The following CRBN variants were observed in gnomAD, a reference collection of about 807,000 sequenced individuals.
CRBN encodes the protein cereblon.
Under a neutral mutation model 62.2 loss-of-function variants are expected in CRBN, and 53 were observed. The ratio of observed to expected loss-of-function variants is 0.85; its 90% CI spans 0.68 to 1.07. The LOEUF (loss-of-function observed/expected upper bound fraction) is 1.07. Among genes scored for constraint, CRBN ranks in the 50% least tolerant of loss-of-function variants. The probability of loss-of-function intolerance (pLI) is 0.00; values close to 1 mark genes in which losing one functional copy is unlikely to be tolerated. For missense variants in CRBN, 616 were observed against 531.1 expected (o/e 1.16, Z -1.57); for synonymous variants, 208 against 176.1 (o/e 1.18, Z -1.43).
intron 1 of CRBN, among the ~76,000 whole-genome samples, chr3:3,178,519 G>A (rs1475423263): frequency 6.6e-6 from 1 of 152,142 alleles, no homozygotes; most frequent in Non-Finnish European, 1.5e-5. Context: ...TAGGCCTTAT[G>A]TCCCACAACC....
chr3:3,154,910 C>A, intron 6 of CRBN, 79 bp from the exon 7 acceptor site: 1 of 821,102 alleles, frequency 1.2e-6, no homozygotes, highest in Non-Finnish European at 2.1e-6. Flanking sequence ...ACTCTTAAAA[C>A]TAACACTGGT....
At chr3:3,152,976 C>T in intron 9 of CRBN, 1 of 298,248 alleles carries the variant, frequency 3.4e-6, no homozygotes, top group South Asian at 3.8e-5. Context: ...GTTTCCTTAC[C>T]TTCTTGATTT....
chr3:3,177,503 A>T lies in CRBN; in HGVS notation c.67+2118T>A, dbSNP rs543343582. Among the ~76,000 whole-genome samples the T allele has an allele frequency of 5.3e-5, 8 of 152,322 alleles. 1 individual carries two copies. Among genetic ancestry groups the T allele is most frequent in the African/African-American group, 1.9e-4 (8 of 41,562 alleles). ...GGAACATGTAAGTTTCACTGAGATA[A>T]AAAAAGAGCTATCTAAATGGATGAC... On this transcript the variant is annotated intron_variant, in intron 1 of 10. Coordinates refer to ENST00000231948, the MANE Select transcript of CRBN (RefSeq NM_016302.4).
chr3:3,167,690 T>C lies in CRBN; in HGVS notation c.631A>G (p.Lys211Glu). Residue 211 changes from lysine to glutamate, a missense_variant, in exon 5 of 11, where the codon AAA becomes GAA. By Grantham distance (56) the Lys-to-Glu change is moderately conservative. Transcript: ENST00000231948. ...CATTGGTCTTCTCTTGAGACAGGTT[T>C]TGAAGGAAATATCTGGCACTTATTG... The part of the protein sequence containing the change: ...SLNKCQIFPS[K>E]PVSREDQCSY... The C allele has an allele frequency of 6.2e-7, 1 of 1,613,580 alleles. No homozygotes were observed. The highest frequency in any genetic ancestry group is 2.2e-5 in the East Asian group (1 of 44,812).
chr3:3,174,545 G>A (rs1185356026), intron 2 of CRBN, among the ~76,000 whole-genome samples: 6 of 152,098 alleles, frequency 3.9e-5, no homozygotes, highest in African/African-American at 1.4e-4. Context: ...GGAGGCTGAG[G>A]CAGGGGAATC....
Position 3,150,950 on chromosome 3 carries a change from CA to C in CRBN, c.1243del (p.Trp415GlyfsTer3). ...CAACAGAGCAGATCGCGTTAAGCCC[CA>C]AAATTTTTGAGGTGACATGTCTTTT... The part of the protein sequence containing the change: ...TKKDMSPQKF[W>X]GLTRSALLPT... On this transcript the variant is annotated frameshift_variant, in exon 11 of 11. Transcript: ENST00000231948. LOFTEE classifies it high-confidence loss of function. 1 of 1,613,974 alleles carries C rather than the reference CA, an allele frequency of 6.2e-7. No individual in the cohort carries two copies. Among genetic ancestry groups the C allele is most frequent in the Non-Finnish European group, 8.5e-7 (1 of 1,179,974 alleles).
rs1706477407 is a variant in CRBN, at chr3:3,150,808, A to G, written c.*57T>C. On this transcript the variant is annotated 3_prime_UTR_variant, in exon 11 of 11. Transcript: ENST00000231948. Reference sequence around the variant, plus strand: ...TATGTATCAGAGGCAATAATTTCCAAAGCAGATCTTAGAATATAACCAATT... The same window carrying G: ...TATGTATCAGAGGCAATAATTTCCAGAGCAGATCTTAGAATATAACCAATT... 6.5e-7 allele frequency: 1 copy of G among 1,539,438 alleles called. No homozygotes were observed. The highest frequency in any genetic ancestry group is 1.4e-5 in the African/African-American group (1 of 73,046).
intron 5 of CRBN, among the ~76,000 whole-genome samples, chr3:3,166,644 G>C (rs1382093398): frequency 6.6e-6 from 1 of 152,100 alleles, no homozygotes; most frequent in Non-Finnish European, 1.5e-5. Flanking sequence ...AAACAGATCA[G>C]TTAACTGAGA....
In CRBN at chr3:3,150,127, T is replaced by TATAGTA. The variant is rs902587656; in HGVS notation, c.*732_*737dup. On this transcript the variant is annotated 3_prime_UTR_variant, in exon 11 of 11. Transcript: ENST00000231948. ...GGGACATGTTTTGGCATCTTTTCCC[T>TATAGTA]ATAGTAGTAGTTTTGGTTCAAATTA... The TATAGTA allele has an allele frequency of 6.6e-6, 1 of 152,206 alleles. No homozygotes were observed. Among genetic ancestry groups the TATAGTA allele is most frequent in the Non-Finnish European group, 1.5e-5 (1 of 68,016 alleles). The allele number at this position is 152,206 out of a possible 1,614,324, so 9.4% of individuals were successfully genotyped here.
At chr3:3,153,746 A>G in intron 8 of CRBN, 4 of 617,378 alleles carry the variant, frequency 6.5e-6, no homozygotes, top group Middle Eastern at 6.9e-4. Flanking sequence ...GGATATTTCC[A>G]TGCAGAAATC....
chr3:3,152,813 A>G, intron 9 of CRBN: 1 of 572,534 alleles, frequency 1.7e-6, no homozygotes, highest in African/African-American at 1.9e-5. Flanking sequence ...GTGATGACCC[A>G]AAGGAAATAG....
At chr3:3,175,094 G>A in intron 2 of CRBN, 69 bp downstream of exon 2, 5 of 1,076,784 alleles carry the variant, frequency 4.6e-6, no homozygotes, top group Non-Finnish European at 7.1e-6. Context: ...TCAGTCACTT[G>A]TTTTTATGAA....
rs1231278510 is a variant in CRBN at position 3,154,065 on chromosome 3, G to C, written c.846C>G (p.Tyr282Ter). ...CAATAGGAAGACAAGCAGCTACTCT[G>C]TAAGAAAAATCTTCAAGACATGGTT... ...SLPSNPIDFSYRVAACLPIDD... is the reference protein window; with the variant it reads ...SLPSNPIDFS Residue 282 changes from tyrosine (Y) to a stop codon, truncating the protein, a stop_gained, in exon 8 of 11, where the codon TAC becomes TAG. Coordinates refer to ENST00000231948, the MANE Select transcript of CRBN (RefSeq NM_016302.4). LOFTEE classifies it high-confidence loss of function. 6.2e-7 allele frequency: 1 copy of C among 1,607,914 alleles called. No homozygotes were observed. The highest frequency in any genetic ancestry group is 1.3e-5 in the African/African-American group (1 of 74,812).
At chr3:3,155,884 G>A (rs369333361) in intron 6 of CRBN, 16 of 270,246 alleles carry the variant, frequency 5.9e-5, no homozygotes, top group African/African-American at 3.1e-4. Context: ...TCAGCTCACG[G>A]CAGCCTTGAC....
At chr3:3,155,969 G>A (rs1393828981) in intron 6 of CRBN, 12 of 430,164 alleles carry the variant, frequency 2.8e-5, no homozygotes, top group Non-Finnish European at 3.4e-5. Context: ...ACCAAACCTG[G>A]CTAATTTTTG....
rs1486993846 is a variant in CRBN at position 3,153,976 on chromosome 3, A to C, written c.935T>G (p.Leu312Ter). ...TTTACTCACTTTATTCATAATGTCT[A>C]ATTCACAGCGAAGTCGCTGGATAGC... Reference protein sequence around the residue: ...GSAIQRLRCELDIMNKCTSLC... With the variant: ...GSAIQRLRCE The change falls in exon 8 of 11, where the codon TTA (leucine) becomes TGA (stop). Residue 312 changes from leucine (L) to a stop codon, truncating the protein, a stop_gained. Transcript: ENST00000231948. LOFTEE classifies it high-confidence loss of function. The C allele has an allele frequency of 6.2e-7, 1 of 1,602,062 alleles. No homozygotes were observed. The highest frequency in any genetic ancestry group is 1.3e-5 in the African/African-American group (1 of 74,792).
chr3:3,175,230 T>G lies in CRBN; in HGVS notation c.107A>C (p.Gln36Pro). 1 of 1,613,572 alleles carries G rather than the reference T, an allele frequency of 6.2e-7. No individual in the cohort carries two copies. The highest frequency in any genetic ancestry group is 1.3e-5 in the African/African-American group (1 of 75,032). Residue 36 changes from glutamine to proline, a missense_variant, in exon 2 of 11, where the codon CAG (glutamine) becomes CCG (proline). Gln to Pro is a moderately conservative substitution (Grantham distance 76, BLOSUM62 -1). Transcript: ENST00000231948. ...TGGTTTTTTGGCTTCTTTACTATCC[T>G]GGTCTTCAACTTCCATTTCATCTTC... ...EEEDEMEVED[Q>P]DSKEAKKPNI...
At chr3:3,164,310 G>C (rs1181255493) in intron 5 of CRBN, among the ~76,000 whole-genome samples, 2 of 152,148 alleles carry the variant, frequency 1.3e-5, no homozygotes, top group Non-Finnish European at 2.9e-5. Context: ...GGCCTCCTGG[G>C]GCAAACAGCA....
intron 3 of CRBN, among the ~76,000 whole-genome samples, chr3:3,173,134 T>A (rs1707693114): frequency 1.3e-5 from 2 of 152,330 alleles, no homozygotes; most frequent in East Asian, 1.9e-4. Context: ...CTCGGCTTGC[T>A]GCAGCCTCTG....
Sources: allele counts gnomAD v4.1 joint callset (sites outside exome capture counted in the v4.1 genomes callset), GRCh38; gene constraint gnomAD v4.1.1; transcripts MANE v1.5; gene names NCBI Gene and HGNC (gene_info 2026-07-23, HGNC 2026-07-21).